The following COL26A1 variants were observed in gnomAD, a reference collection of about 807,000 sequenced individuals.
COL26A1 encodes collagen alpha-1(XXVI) chain.
Under a neutral mutation model 59.3 loss-of-function variants are expected in COL26A1, and 41 were observed. The observed-to-expected ratio is 0.69, with a 90% CI of 0.54 to 0.90. The LOEUF (loss-of-function observed/expected upper bound fraction) is 0.90, where lower values mean the gene tolerates loss of function less well. Among genes scored for constraint, COL26A1 ranks in the 40% least tolerant of loss-of-function variants. The pLI is 0.00. For synonymous variants in COL26A1, 266 were observed against 256.0 expected (o/e 1.04, Z -0.37); for missense variants, 612 against 602.3 (o/e 1.02, Z -0.17).
At chr7:101,544,827 C>T (rs964909784) in intron 6 of COL26A1, among the ~76,000 whole-genome samples, 1 of 152,190 alleles carries the variant, frequency 6.6e-6, no homozygotes, top group Non-Finnish European at 1.5e-5. Context: ...GCCACAACAC[C>T]TGGCCAAAAC....
At chr7:101,440,295 G>A (rs1203932584) in intron 2 of COL26A1, among the ~76,000 whole-genome samples, 1 of 117,880 alleles carries the variant, frequency 8.5e-6, no homozygotes, top group African/African-American at 2.5e-5. Context: ...GAACCCGGGA[G>A]GTGAAGGCTG....
chr7:101,397,086 C>G (rs1324521591), intron 1 of COL26A1, among the ~76,000 whole-genome samples: 1 of 152,110 alleles, frequency 6.6e-6, no homozygotes, highest in East Asian at 1.9e-4. Flanking sequence ...GGGCTAGAGT[C>G]CCTGTGCAAT....
chr7:101,418,450 G>A (rs973333207), intron 1 of COL26A1, among the ~76,000 whole-genome samples: 3 of 151,910 alleles, frequency 2.0e-5, no homozygotes, highest in Admixed American at 6.6e-5. Context: ...CAATGCCCTT[G>A]AGGACTTTTT....
intron 3 of COL26A1, among the ~76,000 whole-genome samples, chr7:101,522,734 T>A (rs1470813980): frequency 6.6e-6 from 1 of 151,610 alleles, no homozygotes; most frequent in African/African-American, 2.4e-5. Context: ...GCCAAAGGGG[T>A]TTTAAAAGTG....
chr7:101,499,569 A>G (rs1246443350), intron 3 of COL26A1, among the ~76,000 whole-genome samples: 1 of 152,118 alleles, frequency 6.6e-6, no homozygotes, highest in African/African-American at 2.4e-5. Flanking sequence ...CTGTAATACC[A>G]GCTATTCTGG....
chr7:101,509,413 T>A (rs1794876900), intron 3 of COL26A1, among the ~76,000 whole-genome samples: 1 of 151,956 alleles, frequency 6.6e-6, no homozygotes, highest in Non-Finnish European at 1.5e-5. Flanking sequence ...GCCACTGTAC[T>A]CCAGCTCAGG....
intron 1 of COL26A1, among the ~76,000 whole-genome samples, chr7:101,407,433 G>A (rs113227082): frequency 5.3e-5 from 8 of 151,856 alleles, no homozygotes; most frequent in Non-Finnish European, 8.8e-5. Flanking sequence ...GCCAAATCCC[G>A]GGTGATGACT....
chr7:101,418,729 G>T (rs991107437), intron 1 of COL26A1, among the ~76,000 whole-genome samples: 4 of 152,016 alleles, frequency 2.6e-5, no homozygotes, highest in East Asian at 1.9e-4. Context: ...GACCCCAAAA[G>T]TGCTGAGCCA....
chr7:101,517,799 T>A, intron 3 of COL26A1, among the ~76,000 whole-genome samples: 1 of 22,600 alleles, frequency 4.4e-5, no homozygotes. Flanking sequence ...TCTCCCCGCA[T>A]TTTTTTTTTT....
intron 3 of COL26A1, among the ~76,000 whole-genome samples, chr7:101,469,016 G>T (rs918463097): frequency 5.9e-5 from 9 of 152,164 alleles, no homozygotes; most frequent in African/African-American, 2.2e-4. Flanking sequence ...GACTCTCCCA[G>T]CACAAATGTT....
chr7:101,395,642 T>A (rs1303656704), intron 1 of COL26A1, among the ~76,000 whole-genome samples: 1 of 151,800 alleles, frequency 6.6e-6, no homozygotes, highest in Admixed American at 6.6e-5. Context: ...CAGGGGAGAG[T>A]TGCAATTCTT....
chr7:101,399,158 TAGCC>T (rs1312694376), intron 1 of COL26A1, among the ~76,000 whole-genome samples: 1 of 150,976 alleles, frequency 6.6e-6, no homozygotes. Flanking sequence ...ATTTCAAAAT[TAGCC>T]AGGTGTGGTG....
chr7:101,416,597 C>T (rs552527887), intron 1 of COL26A1, among the ~76,000 whole-genome samples: 2 of 143,864 alleles, frequency 1.4e-5, no homozygotes, highest in South Asian at 2.3e-4. Flanking sequence ...TGCCTGTTTT[C>T]CATCTCCTTT....
At chr7:101,463,797 C>CTTTCTTCCTTTCTT (rs1258235234) in intron 3 of COL26A1, among the ~76,000 whole-genome samples, 11 of 62,284 alleles carry the variant, frequency 1.8e-4, no homozygotes, top group East Asian at 1.4e-3. Flanking sequence ...TCCTTTCTTT[C>CTTTCTTCCTTTCTT]TCTCTCTCTT....
At position 101,489,718 on chromosome 7, in the gene COL26A1, T is replaced by TTTCTTTCG. The variant is rs1794368506; in HGVS notation, c.385+41938_385+41939insGTTCTTTC. ...CTTTCTGTCTTTCTTTCTTTCATTC[T>TTTCTTTCG]TTCTTTCTCTCTCTCTTTCTCTCTT... On this transcript the variant is annotated intron_variant, in intron 3 of 12. Coordinates refer to ENST00000313669, the MANE Select transcript of COL26A1 (RefSeq NM_001278563.3). 2.7e-5 allele frequency among the ~76,000 whole-genome samples: 3 copies of TTTCTTTCG among 109,394 alleles called. 1 individual carries two copies. Among genetic ancestry groups the TTTCTTTCG allele is most frequent in the East Asian group, 2.1e-4 (1 of 4,692 alleles). 71.8% of individuals were successfully genotyped at this position (109,394 alleles called of 152,430 possible).
chr7:101,553,453 A>G, intron 11 of COL26A1, 77 bp downstream of exon 11: 2 of 1,445,416 alleles, frequency 1.4e-6, no homozygotes, highest in Non-Finnish European at 1.9e-6. Context: ...GGTGCCCCAC[A>G]GATCTGCGCT....
intron 2 of COL26A1, among the ~76,000 whole-genome samples, chr7:101,446,269 T>C (rs986353455): frequency 2.6e-5 from 4 of 152,090 alleles, no homozygotes; most frequent in Non-Finnish European, 5.9e-5. Flanking sequence ...TGGACAAATA[T>C]CCAAACCCTA....
intron 7 of COL26A1, 51 bp from the exon 8 acceptor site, chr7:101,547,105 C>A: frequency 7.4e-7 from 1 of 1,351,762 alleles, no homozygotes. Flanking sequence ...AGCCTCCCAG[C>A]ACTGCCAGGT....
At chr7:101,427,533 G>C (rs188943667) in intron 2 of COL26A1, among the ~76,000 whole-genome samples, 1 of 152,048 alleles carries the variant, frequency 6.6e-6, no homozygotes, top group Non-Finnish European at 1.5e-5. Context: ...ATGGTGGCAG[G>C]CACCTGTAAT....
Sources: allele counts gnomAD v4.1 joint callset (sites outside exome capture counted in the v4.1 genomes callset), GRCh38; gene constraint gnomAD v4.1.1; transcripts MANE v1.5; gene names NCBI Gene and HGNC (gene_info 2026-07-23, HGNC 2026-07-21).